The following SENP6 variants were observed in gnomAD, a reference collection of about 807,000 sequenced individuals.
The protein encoded by SENP6 is SUMO specific peptidase 6.
Under a neutral mutation model 134.5 loss-of-function variants are expected in SENP6, and 41 were observed. That is an observed-to-expected ratio of 0.30 (90% CI 0.24 to 0.40). SENP6 has a LOEUF of 0.40. SENP6 is among the 10% of genes least tolerant of loss of function. The pLI is 1.00. For missense variants in SENP6, 1,248 were observed against 1,312.5 expected, an observed-to-expected ratio of 0.95 and a Z score of 0.76; for synonymous variants, 395 against 429.8, an observed-to-expected ratio of 0.92 and a Z score of 1.00.
chr6:75,634,735 T>C lies in SENP6; in HGVS notation c.382T>C (p.Ser128Pro). The C allele has an allele frequency of 6.3e-7, 1 of 1,589,296 alleles. No individual in the cohort carries two copies. Among genetic ancestry groups the C allele is most frequent in the Non-Finnish European group, 8.5e-7 (1 of 1,174,234 alleles). ...AAATACGCAAAATACGTCATTATGT[T>C]CTGGAACTGTAGTTCATGGTAGACG... is the stretch of plus-strand genomic sequence containing the variant. ...SENTQNTSLCSGTVVHGRRFH... is the reference protein window; with the variant it reads ...SENTQNTSLCPGTVVHGRRFH... Residue 128 changes from serine to proline, a missense_variant, in exon 5 of 24, where the codon TCT becomes CCT. Ser to Pro is a moderately conservative substitution (Grantham distance 74). This residue lies in a region of SENP6 where 733 missense variants were observed against 725.4 expected (regional missense o/e 1.01). Coordinates refer to ENST00000447266, the MANE Select transcript of SENP6 (RefSeq NM_015571.4).
At chr6:75,690,580 A>G (rs1455337550) in intron 16 of SENP6, among the ~76,000 whole-genome samples, 2 of 152,208 alleles carry the variant, frequency 1.3e-5, no homozygotes, top group Non-Finnish European at 2.9e-5. Context: ...AGTTTTGCAA[A>G]ACAAAGTTAC....
At chr6:75,672,742 A>C (rs1772771801) in intron 11 of SENP6, among the ~76,000 whole-genome samples, 1 of 152,234 alleles carries the variant, frequency 6.6e-6, no homozygotes, top group Non-Finnish European at 1.5e-5. Flanking sequence ...TTAATGTTTT[A>C]TAAAATTCTA....
At chr6:75,635,123 G>A (rs991783022) in intron 5 of SENP6, 4 of 391,678 alleles carry the variant, frequency 1.0e-5, no homozygotes, top group East Asian at 1.2e-4. Context: ...TCTTCAGTTG[G>A]TAGTTTAGCT....
At chr6:75,648,150 T>G (rs1462925056) in intron 7 of SENP6, among the ~76,000 whole-genome samples, 1 of 152,180 alleles carries the variant, frequency 6.6e-6, no homozygotes, top group Non-Finnish European at 1.5e-5. Flanking sequence ...TGGTTTTGCT[T>G]CTAAAATTTA....
chr6:75,703,239 T>C (rs1012366116), intron 19 of SENP6, among the ~76,000 whole-genome samples, 167 bp downstream of exon 19: 1 of 152,036 alleles, frequency 6.6e-6, no homozygotes, highest in Non-Finnish European at 1.5e-5. Context: ...GAGGATCACT[T>C]GAGGCCAGGA....
At chr6:75,609,066 T>C (rs1767246120) in intron 1 of SENP6, among the ~76,000 whole-genome samples, 1 of 152,214 alleles carries the variant, frequency 6.6e-6, no homozygotes, top group Non-Finnish European at 1.5e-5. Context: ...ATTAGAAAAG[T>C]ATGTTGAATA....
chr6:75,709,467 C>A, intron 19 of SENP6, 60 bp from the exon 20 acceptor site: 1 of 1,157,730 alleles, frequency 8.6e-7, no homozygotes, highest in Non-Finnish European at 1.3e-6. Flanking sequence ...ATTTCAGCCT[C>A]ATATACTATG....
intron 7 of SENP6, among the ~76,000 whole-genome samples, chr6:75,657,477 G>A (rs1771432572): frequency 6.6e-6 from 1 of 152,102 alleles, no homozygotes; most frequent in African/African-American, 2.4e-5. Flanking sequence ...ATCTGTGTAT[G>A]AATCATTATC....
chr6:75,708,771 T>C (rs971319169), intron 19 of SENP6, among the ~76,000 whole-genome samples: 10 of 152,132 alleles, frequency 6.6e-5, no homozygotes, highest in Non-Finnish European at 1.0e-4. Context: ...TATGTACCTG[T>C]AATCCCAGCT....
At chr6:75,617,071 A>AT (rs1416888695) in intron 1 of SENP6, among the ~76,000 whole-genome samples, 1 of 151,122 alleles carries the variant, frequency 6.6e-6, no homozygotes, top group Non-Finnish European at 1.5e-5. Context: ...TAGAGACAGG[A>AT]TTTTGTCATG....
chr6:75,641,931 A>G (rs895327504), intron 6 of SENP6, among the ~76,000 whole-genome samples: 10 of 152,172 alleles, frequency 6.6e-5, no homozygotes, highest in African/African-American at 9.7e-5. Flanking sequence ...AAACGAGTCT[A>G]TAGTGCCTTT....
intron 14 of SENP6, 152 bp from the exon 15 acceptor site, chr6:75,678,431 T>C (rs987222537): frequency 3.8e-5 from 21 of 552,258 alleles, no homozygotes; most frequent in Admixed American, 3.4e-4. Flanking sequence ...TTTTGCCTGT[T>C]TCTTGTTTTT....
chr6:75,696,589 C>T (rs1774679887), intron 17 of SENP6, among the ~76,000 whole-genome samples: 3 of 152,244 alleles, frequency 2.0e-5, no homozygotes, highest in African/African-American at 7.2e-5. Flanking sequence ...GTGATCCTTC[C>T]ACCTCAGCCT....
At position 75,602,536 on chromosome 6, in the gene SENP6, C is replaced by T. The variant is rs1419794328; in HGVS notation, c.12C>T (p.Gly4=). 6.4e-7 allele frequency: 1 copy of T among 1,551,534 alleles called. No individual in the cohort carries two copies. Among genetic ancestry groups the T allele is most frequent in the Non-Finnish European group, 8.7e-7 (1 of 1,146,918 alleles). ...GTGGGAGGAGGAAGATGGCGGCCGG[C>T]AAGAGCGGCGGTAGCGCAGGGGAGA... MAA[G]KSGGSAGEIT... The change falls in exon 1 of 24, where the codon GGC becomes GGT. Residue 4 remains glycine, a synonymous_variant. Transcript: ENST00000447266.
intron 16 of SENP6, among the ~76,000 whole-genome samples, chr6:75,686,596 GA>G (rs1393425111): frequency 1.3e-5 from 2 of 152,154 alleles, no homozygotes; most frequent in Non-Finnish European, 2.9e-5. Context: ...GCCTGGTGGT[GA>G]CAAAATCTCT....
intron 16 of SENP6, among the ~76,000 whole-genome samples, chr6:75,692,202 A>G (rs1441295122): frequency 1.3e-5 from 2 of 152,158 alleles, no homozygotes; most frequent in Non-Finnish European, 2.9e-5. Context: ...TTAATTCTAA[A>G]ATGAGAGATA....
intron 18 of SENP6, among the ~76,000 whole-genome samples, chr6:75,701,189 A>G (rs985773223): frequency 6.6e-6 from 1 of 152,242 alleles, no homozygotes; most frequent in Admixed American, 6.5e-5. Flanking sequence ...TGAACACCCT[A>G]CCATAGGACA....
chr6:75,706,442 G>A (rs868284723), intron 19 of SENP6, among the ~76,000 whole-genome samples: 9 of 152,174 alleles, frequency 5.9e-5, no homozygotes, highest in Middle Eastern at 6.8e-3. Flanking sequence ...TTGACTTAAA[G>A]CAATGGGACA....
intron 11 of SENP6, among the ~76,000 whole-genome samples, chr6:75,673,773 C>G (rs1341663191): frequency 5.3e-5 from 8 of 151,928 alleles, no homozygotes. Context: ...GTAATCCCAG[C>G]ACTTTGGGAG....
Sources: gnomAD v4.1 joint callset for allele counts (sites outside exome capture counted in the v4.1 genomes callset) on GRCh38, gnomAD v4.1.1 for gene constraint, gnomAD v4.1.1 regional missense constraint, MANE v1.5 for transcripts, NCBI Gene and HGNC (gene_info 2026-07-23, HGNC 2026-07-21) for gene names.